Variants in PLCB1 observed in about 807,000 individuals in gnomAD.
PLCB1 encodes 1-phosphatidylinositol 4,5-bisphosphate phosphodiesterase beta-1.
A neutral mutation model predicts 161.8 loss-of-function variants in PLCB1; 46 were observed. The ratio of observed to expected loss-of-function variants is 0.28; its 90% CI spans 0.22 to 0.36. The LOEUF is 0.36. PLCB1 is among the 10% of genes least tolerant of loss of function. The pLI, the probability that PLCB1 is intolerant of heterozygous loss-of-function variation, is 1.00. For synonymous variants in PLCB1, 517 were observed against 503.7 expected (o/e 1.03, Z -0.35); for missense variants, 1,016 against 1,472.5 (o/e 0.69, Z 5.07).
chr20:8,863,351 A>C (rs563577829), intron 31 of PLCB1, among the ~76,000 whole-genome samples: 1 of 152,192 alleles, frequency 6.6e-6, no homozygotes, highest in Admixed American at 6.5e-5. Context: ...CTTTTTTGGC[A>C]AGACTTAGCC....
chr20:8,845,408 C>T (rs1463422910), intron 31 of PLCB1, among the ~76,000 whole-genome samples: 1 of 152,020 alleles, frequency 6.6e-6, no homozygotes, highest in Non-Finnish European at 1.5e-5. Flanking sequence ...TATTTTCTTG[C>T]CTTAAAGTAA....
chr20:8,727,515 G>A (rs911816299), intron 17 of PLCB1, 122 bp downstream of exon 17: 14 of 588,914 alleles, frequency 2.4e-5, no homozygotes, highest in Non-Finnish European at 3.0e-5. Flanking sequence ...AGCCTGGGGC[G>A]GATAAATAGT....
chr20:8,501,358 A>G (rs1983395358), intron 3 of PLCB1, among the ~76,000 whole-genome samples: 1 of 152,236 alleles, frequency 6.6e-6, no homozygotes, highest in African/African-American at 2.4e-5. Context: ...GGTGCCTAGC[A>G]CAGTGCCTGA....
intron 3 of PLCB1, among the ~76,000 whole-genome samples, chr20:8,548,541 CTT>C (rs1985654977): frequency 6.6e-6 from 1 of 150,804 alleles, no homozygotes; most frequent in South Asian, 2.1e-4. Flanking sequence ...TTCTTTTCTT[CTT>C]TCTTTTTCTT....
chr20:8,842,245 T>C (rs1600374660), intron 31 of PLCB1, among the ~76,000 whole-genome samples: 1 of 152,214 alleles, frequency 6.6e-6, no homozygotes, highest in Non-Finnish European at 1.5e-5. Context: ...GATATTTTAA[T>C]ATGAATTTTT....
At chr20:8,303,446 A>G (rs752184615) in intron 2 of PLCB1, among the ~76,000 whole-genome samples, 5 of 152,176 alleles carry the variant, frequency 3.3e-5, no homozygotes, top group Non-Finnish European at 2.9e-5. Flanking sequence ...GAAGTGATAA[A>G]TCATGGCCCC....
intron 3 of PLCB1, among the ~76,000 whole-genome samples, chr20:8,495,617 T>C (rs1177105974): frequency 6.6e-6 from 1 of 151,998 alleles, no homozygotes; most frequent in African/African-American, 2.4e-5. Context: ...CAAGATAGTC[T>C]GGATCTCCTG....
chr20:8,391,912 C>G (rs1987617259), intron 3 of PLCB1, among the ~76,000 whole-genome samples: 1 of 149,142 alleles, frequency 6.7e-6, no homozygotes, highest in African/African-American at 2.5e-5. Context: ...GATACATGTT[C>G]CAGCAGGGGA....
intron 9 of PLCB1, among the ~76,000 whole-genome samples, chr20:8,676,827 G>A (rs1990090229): frequency 6.6e-6 from 1 of 152,064 alleles, no homozygotes; most frequent in Admixed American, 6.5e-5. Context: ...GGAAAAAGCA[G>A]GGAAAAAAGT....
At chr20:8,447,089 G>A (rs1366271291) in intron 3 of PLCB1, among the ~76,000 whole-genome samples, 1 of 152,062 alleles carries the variant, frequency 6.6e-6, no homozygotes, top group African/African-American at 2.4e-5. Flanking sequence ...TGGTGATTTG[G>A]CTGTTTAGAA....
intron 2 of PLCB1, among the ~76,000 whole-genome samples, chr20:8,176,444 A>G (rs2051784615): frequency 2.0e-5 from 3 of 152,210 alleles, no homozygotes; most frequent in Admixed American, 1.3e-4. Context: ...CAAAATTTTA[A>G]TGAGGGACAA....
intron 2 of PLCB1, among the ~76,000 whole-genome samples, chr20:8,333,043 T>C (rs1427003788): frequency 2.0e-5 from 3 of 152,168 alleles, no homozygotes; most frequent in Non-Finnish European, 2.9e-5. Flanking sequence ...TACGTGACCA[T>C]TTCTCACCAA....
At chr20:8,793,310 T>C (rs1463345324) in intron 31 of PLCB1, among the ~76,000 whole-genome samples, 1 of 152,156 alleles carries the variant, frequency 6.6e-6, no homozygotes, top group Non-Finnish European at 1.5e-5. Flanking sequence ...TGTAACCTTC[T>C]TATGAAGAAG....
At chr20:8,316,743 G>A (rs1299282486) in intron 2 of PLCB1, among the ~76,000 whole-genome samples, 1 of 152,102 alleles carries the variant, frequency 6.6e-6, no homozygotes, top group East Asian at 1.9e-4. Flanking sequence ...ACAGAAAGAC[G>A]AGGGGTGGGA....
rs533739331 is a variant in PLCB1, at chr20:8,647,785, G to T, written c.465-115G>T. On this transcript the variant is annotated intron_variant, in intron 5 of 31. Coordinates refer to ENST00000338037, the MANE Select transcript of PLCB1 (RefSeq NM_015192.4). Reference sequence around the variant, plus strand: ...CCAACTGTGGAGACTTGGGCAGTTTGTGGAAATTCAGCAAAATGTACAAAG... The same window carrying T: ...CCAACTGTGGAGACTTGGGCAGTTTTTGGAAATTCAGCAAAATGTACAAAG... 1.1e-4 allele frequency: 82 copies of T among 761,002 alleles called. 1 individual carries two copies. The highest frequency in any genetic ancestry group is 5.2e-4 in the South Asian group (34 of 65,628). 47.1% of individuals were successfully genotyped at this position (761,002 alleles called of 1,614,324 possible).
intron 12 of PLCB1, 132 bp from the exon 13 acceptor site, chr20:8,716,132 T>G (rs531146444): frequency 1.5e-6 from 1 of 663,294 alleles, no homozygotes; most frequent in Admixed American, 2.5e-5. Context: ...AGATCCAGGA[T>G]GATAAAAACC....
intron 15 of PLCB1, among the ~76,000 whole-genome samples, chr20:8,724,404 G>T (rs1460361778): frequency 6.6e-6 from 1 of 152,098 alleles, no homozygotes; most frequent in Non-Finnish European, 1.5e-5. Flanking sequence ...GGAGGGGGCA[G>T]GGGATAGGGA....
At chr20:8,430,344 G>A (rs1979983033) in intron 3 of PLCB1, among the ~76,000 whole-genome samples, 1 of 151,986 alleles carries the variant, frequency 6.6e-6, no homozygotes, top group Admixed American at 6.5e-5. Flanking sequence ...TTGAGGTCAG[G>A]AGAACAGATG....
chr20:8,845,522 G>C (rs1986660356), intron 31 of PLCB1, among the ~76,000 whole-genome samples: 1 of 152,160 alleles, frequency 6.6e-6, no homozygotes, highest in South Asian at 2.1e-4. Flanking sequence ...TCACATTTCA[G>C]ATGCTCAATA....
Sources: gnomAD v4.1 joint callset for allele counts (sites outside exome capture counted in the v4.1 genomes callset) on GRCh38, gnomAD v4.1.1 for gene constraint, MANE v1.5 for transcripts, NCBI Gene and HGNC (gene_info 2026-07-23, HGNC 2026-07-21) for gene names.